Variants in TBX19 observed in about 807,000 individuals in gnomAD.
The protein encoded by TBX19 is T-box transcription factor 19, also known as T-box transcription factor TBX19.
Under a neutral mutation model 40.9 loss-of-function variants are expected in TBX19, and 33 were observed. That is an observed-to-expected ratio of 0.81 (90% CI 0.61 to 1.08). The LOEUF (loss-of-function observed/expected upper bound fraction) is 1.08. Ranked by LOEUF, TBX19 falls within the 50% of genes least tolerant of loss-of-function variation. The pLI, the probability that TBX19 is intolerant of heterozygous loss-of-function variation, is 0.00. For missense variants in TBX19, 494 were observed against 574.0 expected, an observed-to-expected ratio of 0.86 and a Z score of 1.42; for synonymous variants, 220 against 225.0, an observed-to-expected ratio of 0.98 and a Z score of 0.20.
chr1:168,313,275 A>G lies in TBX19; in HGVS notation c.*273A>G, dbSNP rs755252476. On this transcript the variant is annotated 3_prime_UTR_variant, in exon 8 of 8. Transcript: ENST00000367821. Reference sequence around the variant, plus strand: ...AGGTGACAGAAGTTTGTTAAGTACCATCCTTGTGCCCTGCCTCTTATTCTC... The same window carrying G: ...AGGTGACAGAAGTTTGTTAAGTACCGTCCTTGTGCCCTGCCTCTTATTCTC... 154 of 517,936 alleles carry G rather than the reference A, an allele frequency of 3.0e-4. No homozygotes were observed. Among genetic ancestry groups the G allele is most frequent in the Admixed American group, 7.5e-4 (23 of 30,742 alleles). 32.1% of individuals were successfully genotyped at this position (517,936 alleles called of 1,614,324 possible).
intron 6 of TBX19, among the ~76,000 whole-genome samples, chr1:168,306,858 G>A (rs1176325435): frequency 6.6e-6 from 1 of 152,144 alleles, no homozygotes; most frequent in Admixed American, 6.5e-5. Flanking sequence ...ACATAAGTCA[G>A]GGTGCCATGT....
chr1:168,300,359 T>G, intron 4 of TBX19, 63 bp from the exon 5 acceptor site: 2 of 1,488,914 alleles, frequency 1.3e-6, no homozygotes, highest in South Asian at 2.3e-5. Flanking sequence ...ATTTTGGGTA[T>G]GCTTTATAGT....
chr1:168,310,846 AT>A (rs1354277270), intron 7 of TBX19, among the ~76,000 whole-genome samples: 1 of 147,370 alleles, frequency 6.8e-6, no homozygotes, highest in Non-Finnish European at 1.5e-5. Flanking sequence ...ATATATAAAA[AT>A]ATAACAGTAT....
intron 7 of TBX19, among the ~76,000 whole-genome samples, chr1:168,310,968 A>T (rs1316517430): frequency 1.3e-5 from 2 of 150,636 alleles, no homozygotes; most frequent in Non-Finnish European, 3.0e-5. Context: ...TTTTTGTTAA[A>T]TAAAATATTA....
Position 168,298,821 on chromosome 1 carries a change from T to TCCCTC in TBX19, c.665+1038_665+1039insCTCCC, listed in dbSNP as rs1491344091. Among the ~76,000 whole-genome samples the TCCCTC allele has an allele frequency of 5.8e-3, 79 of 13,650 alleles. 20 individuals are homozygous for TCCCTC. The highest frequency in any genetic ancestry group is 0.011 in the East Asian group (4 of 356). 9.0% of individuals were successfully genotyped at this position (13,650 alleles called of 152,430 possible). A position where few individuals can be genotyped will look rare whatever the true frequency, so the allele number is the denominator to read the frequency against. ...TCCTCCCCTCCCTCCCTCCCTCCCT[T>TCCCTC]CCTTTCTTTCTTTCTTTCTTTCTTT... On this transcript the variant is annotated intron_variant, in intron 4 of 7. Transcript: ENST00000367821.
chr1:168,307,397 G>A (rs138387198), intron 6 of TBX19, among the ~76,000 whole-genome samples: 67 of 152,224 alleles, frequency 4.4e-4, no homozygotes, highest in African/African-American at 1.6e-3. Flanking sequence ...GGGGGAAAGA[G>A]GGGGAGAGGG....
At chr1:168,303,537 G>A (rs539264174) in intron 5 of TBX19, among the ~76,000 whole-genome samples, 1 of 152,110 alleles carries the variant, frequency 6.6e-6, no homozygotes, top group Non-Finnish European at 1.5e-5. Context: ...AAGGGTTCTT[G>A]GACCTCATGC....
rs760885658 is a variant in TBX19 at position 168,281,197 on chromosome 1, C to T, written c.107C>T (p.Pro36Leu). 7 of 1,614,094 alleles carry T rather than the reference C, an allele frequency of 4.3e-6. No individual in the cohort carries two copies. In the Admixed American group the frequency reaches 1.2e-4, roughly 27 times the overall value. ...CAGGCAGGGAGGGAAAAAGGCGACC[C>T]TACGGAGAAGCAACTTCAGATCATC... ...ELQAGREKGDPTEKQLQIILE... is the reference protein window; with the variant it reads ...ELQAGREKGDLTEKQLQIILE... The change falls in exon 1 of 8, where the codon CCT becomes CTT. Residue 36 changes from proline (P) to leucine (L), a missense_variant. Physicochemically the swap from Pro to Leu is moderately conservative, Grantham distance 98. Transcript: ENST00000367821.
chr1:168,310,462 C>T (rs1649493876), intron 7 of TBX19, among the ~76,000 whole-genome samples: 1 of 151,992 alleles, frequency 6.6e-6, no homozygotes, highest in Non-Finnish European at 1.5e-5. Context: ...GCCTGAGATT[C>T]TGCATTTCTA....
chr1:168,292,756 C>T (rs1468547969), intron 2 of TBX19, among the ~76,000 whole-genome samples: 10 of 145,900 alleles, frequency 6.9e-5, no homozygotes, highest in Admixed American at 2.1e-4. Context: ...CCCAGCTACT[C>T]GGGAGGCTGA....
chr1:168,307,308 G>C lies in TBX19; in HGVS notation c.917-1434G>C, dbSNP rs79699371. On this transcript the variant is annotated intron_variant, in intron 6 of 7. Transcript: ENST00000367821. ...TTCTCATAGTCCTGGAGGCTGGGGA[G>C]TTTAAGATTAAGGTGCCAGCATATG... 2.0e-5 allele frequency among the ~76,000 whole-genome samples: 3 copies of C among 152,294 alleles called. No homozygotes were observed. In the East Asian group the frequency reaches 5.8e-4, roughly 29 times the overall value.
intron 1 of TBX19, among the ~76,000 whole-genome samples, chr1:168,287,205 G>A (rs1316209866): frequency 6.6e-6 from 1 of 152,146 alleles, no homozygotes; most frequent in Non-Finnish European, 1.5e-5. Flanking sequence ...CCCTTACTTT[G>A]CCTCAGCCAC....
At chr1:168,291,740 C>T (rs1437500079) in intron 2 of TBX19, among the ~76,000 whole-genome samples, 1 of 152,020 alleles carries the variant, frequency 6.6e-6, no homozygotes, top group Non-Finnish European at 1.5e-5. Context: ...TTTGTGGGTA[C>T]CAGGGTTTTG....
chr1:168,292,820 C>G (rs1285381797), intron 2 of TBX19, among the ~76,000 whole-genome samples: 2 of 147,040 alleles, frequency 1.4e-5, no homozygotes, highest in African/African-American at 5.1e-5. Flanking sequence ...GCTGAGATAG[C>G]GCCACTGCAC....
At chr1:168,297,940 T>C (rs1649154461) in intron 4 of TBX19, among the ~76,000 whole-genome samples, 155 bp downstream of exon 4, 1 of 152,148 alleles carries the variant, frequency 6.6e-6, no homozygotes, top group African/African-American at 2.4e-5. Flanking sequence ...CTCATGCCTG[T>C]AATCCCAGCA....
chr1:168,299,871 A>G (rs975964742), intron 4 of TBX19, among the ~76,000 whole-genome samples: 1 of 152,202 alleles, frequency 6.6e-6, no homozygotes, highest in Non-Finnish European at 1.5e-5. Context: ...GAGATGACAC[A>G]ATCTAGATTC....
chr1:168,300,592 A>T, intron 5 of TBX19, 109 bp downstream of exon 5: 1 of 997,668 alleles, frequency 1.0e-6, no homozygotes, highest in Non-Finnish European at 1.6e-6. Context: ...CTTCCAAATC[A>T]AAACCCAACA....
At chr1:168,289,464 A>T (rs1648885736) in intron 1 of TBX19, among the ~76,000 whole-genome samples, 1 of 152,214 alleles carries the variant, frequency 6.6e-6, no homozygotes, top group African/African-American at 2.4e-5. Context: ...AAGTGCAATC[A>T]TCTCACTAAG....
In TBX19 at chr1:168,308,053, C is replaced by T. The variant is rs1167222438; in HGVS notation, c.917-689C>T. 3.3e-5 allele frequency: 5 copies of T among 152,614 alleles called. No homozygotes were observed. The East Asian group carries it at 5.8e-4, about 18-fold the overall frequency. 9.5% of individuals were successfully genotyped at this position (152,614 alleles called of 1,614,324 possible). ...CCCCTGGTAACCACTGTTGTACTCTCAGCTTCTATGTATTCAACTTTCTTA... is the reference window on the plus strand; with the variant it reads ...CCCCTGGTAACCACTGTTGTACTCTTAGCTTCTATGTATTCAACTTTCTTA... On this transcript the variant is annotated intron_variant, in intron 6 of 7. Transcript: ENST00000367821.
Sources: allele counts gnomAD v4.1 joint callset (sites outside exome capture counted in the v4.1 genomes callset), GRCh38; gene constraint gnomAD v4.1.1; transcripts MANE v1.5; gene names NCBI Gene and HGNC (gene_info 2026-07-23, HGNC 2026-07-21).